IHO1: variants seen among roughly 807,000 people sequenced by gnomAD.
IHO1 encodes interactor of HORMAD1 protein 1.
In IHO1, 13 loss-of-function variants were observed where a neutral mutation model predicts 31.0. The observed-to-expected ratio is 0.42, with a 90% CI of 0.27 to 0.67. The LOEUF (loss-of-function observed/expected upper bound fraction) is 0.67. Among genes scored for constraint, IHO1 ranks in the 30% least tolerant of loss-of-function variants. The pLI is 0.24. For synonymous variants in IHO1, 221 were observed against 248.4 expected (o/e 0.89, Z 1.04); for missense variants, 599 against 687.5 (o/e 0.87, Z 1.44).
upstream of IHO1, among the ~76,000 whole-genome samples, chr3:49,195,638 C>T (rs1432804508): frequency 6.6e-6 from 1 of 150,788 alleles, no homozygotes; most frequent in Non-Finnish European, 1.5e-5. Flanking sequence ...GGTGTGAACC[C>T]AGGAGACCGA....
intron 1 of IHO1, among the ~76,000 whole-genome samples, chr3:49,200,730 G>A (rs574106831): frequency 6.6e-6 from 1 of 152,154 alleles, no homozygotes; most frequent in African/African-American, 2.4e-5. Flanking sequence ...AGAGGTGAAA[G>A]TTTTTAATCT....
intron 2 of IHO1, among the ~76,000 whole-genome samples, chr3:49,233,422 C>T (rs1000909124): frequency 1.3e-5 from 2 of 152,176 alleles, no homozygotes; most frequent in Admixed American, 1.3e-4. Context: ...ATTAAAAGAA[C>T]AAATATTTAA....
chr3:49,213,578 C>T (rs974761844), intron 2 of IHO1, among the ~76,000 whole-genome samples: 11 of 152,334 alleles, frequency 7.2e-5, no homozygotes, highest in African/African-American at 1.4e-4. Flanking sequence ...CCGGGCACCA[C>T]GGAGCAGGGG....
chr3:49,212,406 C>T (rs571877770), intron 2 of IHO1, among the ~76,000 whole-genome samples: 1 of 150,718 alleles, frequency 6.6e-6, no homozygotes, highest in Non-Finnish European at 1.5e-5. Flanking sequence ...ATCTCAGCTA[C>T]TGGGGAGGCT....
At position 49,257,480 on chromosome 3, in the gene IHO1, A is replaced by C; in HGVS notation, c.*198A>C. The stretch of plus-strand genomic sequence containing the variant: ...GCTGCCCCTGACAAGGATTAAGTGC[A>C]TCCTTATTTATTGGAATGAAATGTG... On this transcript the variant is annotated 3_prime_UTR_variant, in exon 8 of 8. Transcript: ENST00000452691. 2 of 569,028 alleles carry C rather than the reference A, an allele frequency of 3.5e-6. No homozygotes were observed. The highest frequency in any genetic ancestry group is 2.2e-5 in the South Asian group (1 of 45,736). 35.2% of individuals were successfully genotyped at this position (569,028 alleles called of 1,614,324 possible).
chr3:49,223,811 G>A (rs971275229), intron 2 of IHO1, among the ~76,000 whole-genome samples: 1 of 152,290 alleles, frequency 6.6e-6, no homozygotes, highest in South Asian at 2.1e-4. Flanking sequence ...GCAGGGAAAA[G>A]CATCTATCCA....
At chr3:49,255,290 C>A in intron 6 of IHO1, 100 bp from the exon 7 acceptor site, 1 of 775,900 alleles carries the variant, frequency 1.3e-6, no homozygotes. Flanking sequence ...CGGTCTGCAT[C>A]CAGCTCCTCC....
Position 49,199,579 on chromosome 3 carries a change from GACA to G in IHO1, c.-16+7_-16+9del, listed in dbSNP as rs2046026905. On this transcript the variant is annotated splice_region_variant and intron_variant, in intron 1 of 7. Transcript: ENST00000452691. ...GCGCGTGCCAGCAGCCAGAGGTGGG[GACA>G]GGAGGGCTTTGGGCAGGGTGGGTTG... 7.3e-6 allele frequency: 1 copy of G among 137,810 alleles called. No homozygotes were observed. Among genetic ancestry groups the G allele is most frequent in the South Asian group, 2.6e-4 (1 of 3,780 alleles). The allele number at this position is 137,810 out of a possible 1,614,324, so 8.5% of individuals were successfully genotyped here.
At chr3:49,196,359 C>A (rs942965380), upstream of IHO1, among the ~76,000 whole-genome samples, 1 of 148,282 alleles carries the variant, frequency 6.7e-6, no homozygotes, top group Non-Finnish European at 1.5e-5. Context: ...CTCACTGTTG[C>A]CCAGGCTGGA....
rs146034276 is a variant in IHO1 at position 49,252,785 on chromosome 3, C to T, written c.533-2605C>T. On this transcript the variant is annotated intron_variant, in intron 6 of 7. Coordinates refer to ENST00000452691, the MANE Select transcript of IHO1 (RefSeq NM_001135197.2). The stretch of plus-strand genomic sequence containing the variant: ...TTCGGCCGGGCATGGTGGCTCACTC[C>T]TGTAATTCCAGCACTTTGGGAGGCC... 5.8e-3 allele frequency among the ~76,000 whole-genome samples: 883 copies of T among 152,186 alleles called. 11 individuals are homozygous for T. The highest frequency in any genetic ancestry group is 0.02 in the African/African-American group (839 of 41,540).
intron 2 of IHO1, chr3:49,228,285 C>G (rs897205578): frequency 2.2e-6 from 1 of 447,808 alleles, no homozygotes; most frequent in African/African-American, 2.0e-5. Context: ...CCCGGAAGTA[C>G]AGGAAAAGCA....
intron 3 of IHO1, among the ~76,000 whole-genome samples, chr3:49,240,034 T>TTTTTCTTTTC (rs562505524): frequency 1.3e-5 from 2 of 151,998 alleles, no homozygotes; most frequent in African/African-American, 2.4e-5. Context: ...TTGGTGCTTT[T>TTTTTCTTTTC]TTTTCTTTTC....
chr3:49,239,090 G>A (rs1220423776), intron 3 of IHO1, among the ~76,000 whole-genome samples: 1 of 152,116 alleles, frequency 6.6e-6, no homozygotes, highest in East Asian at 1.9e-4. Flanking sequence ...TCATGCCTCA[G>A]CCTCCTGAGT....
chr3:49,197,829 G>T (rs574232668), upstream of IHO1, among the ~76,000 whole-genome samples: 1 of 151,464 alleles, frequency 6.6e-6, no homozygotes. Flanking sequence ...AGCCGAGATT[G>T]TGCCATTGCA....
chr3:49,229,063 T>C (rs1212659588), intron 2 of IHO1, among the ~76,000 whole-genome samples: 2 of 152,192 alleles, frequency 1.3e-5, no homozygotes, highest in Non-Finnish European at 2.9e-5. Context: ...AGAGTGCTGA[T>C]TGGTGCGTTT....
chr3:49,245,088 G>A, intron 6 of IHO1: 1 of 502,576 alleles, frequency 2.0e-6, no homozygotes, highest in South Asian at 4.0e-5. Context: ...TATAGACACT[G>A]ACTGCCCCCT....
In IHO1 at chr3:49,256,070, T is replaced by C. The variant is rs2107746329; in HGVS notation, c.637-64T>C. The C allele has an allele frequency of 4.4e-6, 6 of 1,376,030 alleles. No homozygotes were observed. Among genetic ancestry groups the C allele is most frequent in the Non-Finnish European group, 6.0e-6 (6 of 998,654 alleles). The allele number at this position is 1,376,030 out of a possible 1,614,324, so 85.2% of individuals were successfully genotyped here. The stretch of plus-strand genomic sequence containing the variant: ...TGTCACATCCATTGGTCTGTTCTCA[T>C]GTTTTATTGTGCTTTCTGACTTGCA... On this transcript the variant is annotated intron_variant, in intron 7 of 7. Transcript: ENST00000452691. The surrounding 1 kb of genome is among the most constrained non-coding windows in gnomAD (Gnocchi z 4.6).
chr3:49,198,115 A>C (rs773825855), upstream of IHO1, among the ~76,000 whole-genome samples: 1 of 152,170 alleles, frequency 6.6e-6, no homozygotes, highest in Non-Finnish European at 1.5e-5. Flanking sequence ...AAATTTATTC[A>C]TGTTGTTGTA....
chr3:49,205,247 G>A (rs566143483), intron 1 of IHO1, among the ~76,000 whole-genome samples: 30 of 152,060 alleles, frequency 2.0e-4, no homozygotes, highest in Middle Eastern at 3.4e-3. Context: ...TTTGTAAACT[G>A]TCATAGCGCT....
Sources: allele counts gnomAD v4.1 joint callset (sites outside exome capture counted in the v4.1 genomes callset), GRCh38; gene constraint gnomAD v4.1.1; non-coding constraint Gnocchi (gnomAD v3.1); transcripts MANE v1.5; gene names NCBI Gene and HGNC (gene_info 2026-07-23, HGNC 2026-07-21).